The following SYNE1 variants were observed in gnomAD, a reference collection of about 807,000 sequenced individuals.
SYNE1 encodes nesprin-1.
SYNE1 carries 616 observed loss-of-function variants against 1,111.0 expected under a neutral mutation model. That is an observed-to-expected ratio of 0.55 (90% CI 0.52 to 0.59). The LOEUF is 0.59. Ranked by LOEUF, SYNE1 falls within the 20% of genes least tolerant of loss-of-function variation. The pLI is 0.00. For missense variants in SYNE1, 10,006 were observed against 10,417.0 expected, an observed-to-expected ratio of 0.96 and a Z score of 1.72; for synonymous variants, 3,855 against 3,825.8, an observed-to-expected ratio of 1.01 and a Z score of -0.28.
At chr6:152,509,549 G>A (rs1046527726) in intron 8 of SYNE1, among the ~76,000 whole-genome samples, 12 of 152,046 alleles carry the variant, frequency 7.9e-5, no homozygotes, top group Admixed American at 2.6e-4. Flanking sequence ...GAGTCACTGC[G>A]TCTGGCTGAG....
chr6:152,512,569 T>A (rs896877802), intron 6 of SYNE1, among the ~76,000 whole-genome samples: 1 of 152,192 alleles, frequency 6.6e-6, no homozygotes, highest in African/African-American at 2.4e-5. Flanking sequence ...TTCCTTTTCC[T>A]TGTGCATCAT....
In SYNE1 at chr6:152,224,534, C is replaced by A; in HGVS notation, c.21482G>T (p.Gly7161Val). 1.9e-6 allele frequency: 3 copies of A among 1,613,986 alleles called. No individual in the cohort carries two copies. Among genetic ancestry groups the A allele is most frequent in the Non-Finnish European group, 2.5e-6 (3 of 1,179,944 alleles). The part of the protein sequence containing the change: ...YSLSRFRLLT[G>V]SLEAVQVQVD... Reference sequence around the variant, plus strand: ...CTGAACTTGCACAGCTTCTAAGGAGCCAGTCAGCAGACGGAATCGGGAAAG... The same window carrying A: ...CTGAACTTGCACAGCTTCTAAGGAGACAGTCAGCAGACGGAATCGGGAAAG... Residue 7161 changes from glycine (G) to valine (V), a missense_variant, in exon 117 of 146, where the codon GGC becomes GTC. Transcript: ENST00000367255.
At chr6:152,450,235 A>G (rs1373648046) in intron 27 of SYNE1, among the ~76,000 whole-genome samples, 1 of 152,102 alleles carries the variant, frequency 6.6e-6, no homozygotes, top group Non-Finnish European at 1.5e-5. Flanking sequence ...GAAGAAGGAC[A>G]TGTTTGCTTC....
intron 104 of SYNE1, among the ~76,000 whole-genome samples, chr6:152,253,257 G>A (rs2089834847): frequency 6.6e-6 from 1 of 152,162 alleles, no homozygotes; most frequent in Non-Finnish European, 1.5e-5. Context: ...CCTGGCTCTA[G>A]TTCTTAATGG....
intron 66 of SYNE1, among the ~76,000 whole-genome samples, chr6:152,355,830 T>C (rs2096827453): frequency 6.6e-6 from 1 of 152,198 alleles, no homozygotes; most frequent in Admixed American, 6.5e-5. Context: ...TTCTCAATAC[T>C]ATATTTTAAA....
At chr6:152,508,144 A>T (rs1243917845) in intron 8 of SYNE1, among the ~76,000 whole-genome samples, 4 of 152,214 alleles carry the variant, frequency 2.6e-5, no homozygotes. Flanking sequence ...AAAAGTACAT[A>T]CTGGGATAGT....
intron 95 of SYNE1, among the ~76,000 whole-genome samples, chr6:152,286,137 C>A (rs548099557): frequency 6.7e-4 from 102 of 152,248 alleles, no homozygotes; most frequent in South Asian, 2.3e-3. Context: ...ATCATCATGA[C>A]AATTAATTTT....
chr6:152,358,111 G>A (rs2096869397), intron 66 of SYNE1, among the ~76,000 whole-genome samples: 1 of 152,176 alleles, frequency 6.6e-6, no homozygotes, highest in Non-Finnish European at 1.5e-5. Flanking sequence ...TAGATCTCCA[G>A]CCATTTGTCA....
At chr6:152,308,877 T>C (rs1173548657) in intron 90 of SYNE1, among the ~76,000 whole-genome samples, 1 of 152,238 alleles carries the variant, frequency 6.6e-6, no homozygotes, top group East Asian at 1.9e-4. Flanking sequence ...TCTTTCTCTC[T>C]CTTTTCCCTA....
At chr6:152,318,767 G>T in intron 85 of SYNE1, 96 bp downstream of exon 85, 2 of 1,472,134 alleles carry the variant, frequency 1.4e-6, no homozygotes, top group South Asian at 2.5e-5. Flanking sequence ...TTTAAAAAAG[G>T]TTCCTAAAAG....
intron 40 of SYNE1, among the ~76,000 whole-genome samples, chr6:152,418,621 A>T (rs1475163593): frequency 6.6e-6 from 1 of 152,222 alleles, no homozygotes; most frequent in East Asian, 1.9e-4. Context: ...ACCCTAAAAT[A>T]TGTCACTTTG....
At chr6:152,262,238 T>C (rs1562594775) in intron 100 of SYNE1, 50 bp from the exon 101 acceptor site, 1 of 1,545,270 alleles carries the variant, frequency 6.5e-7, no homozygotes, top group Non-Finnish European at 8.9e-7. Context: ...AAAAAAGTGA[T>C]AAGACAGGTA....
intron 16 of SYNE1, among the ~76,000 whole-genome samples, chr6:152,470,133 G>A (rs773501772): frequency 3.3e-5 from 5 of 152,166 alleles, no homozygotes; most frequent in Non-Finnish European, 7.3e-5. Context: ...TTTGGAATTA[G>A]TAGCTGAGTG....
intron 55 of SYNE1, 56 bp downstream of exon 55, chr6:152,385,618 A>C (rs1224766188): frequency 5.6e-6 from 9 of 1,593,488 alleles, no homozygotes; most frequent in Non-Finnish European, 6.9e-6. Flanking sequence ...ATCTTTATCA[A>C]AAGTACTCAA....
chr6:152,461,662 T>A lies in SYNE1; in HGVS notation c.2329A>T (p.Ser777Cys). Reference protein sequence around the residue: ...TKTAHLITKESPQEEGKEMFA... With the variant: ...TKTAHLITKECPQEEGKEMFA... ...ATTTCTTTTCCTTCTTCTTGGGGGC[T>A]TTCTTTGGTAATGAGGTGTGCTGTC... Residue 777 changes from serine (S) to cysteine (C), a missense_variant, in exon 21 of 146, where the codon AGC (serine) becomes TGC (cysteine). By Grantham distance (112) the Ser-to-Cys change is moderately radical. Around this residue, in one of 7 missense-constraint regions of SYNE1, gnomAD observed 1,971 missense variants for 2,084.1 expected, o/e 0.95. Coordinates refer to ENST00000367255, the MANE Select transcript of SYNE1 (RefSeq NM_182961.4). 6.2e-7 allele frequency: 1 copy of A among 1,614,050 alleles called. No homozygotes were observed. Among genetic ancestry groups the A allele is most frequent in the Non-Finnish European group, 8.5e-7 (1 of 1,179,956 alleles).
intron 3 of SYNE1, among the ~76,000 whole-genome samples, chr6:152,597,999 C>T (rs1463977640): frequency 1.3e-5 from 2 of 152,096 alleles, no homozygotes; most frequent in Non-Finnish European, 2.9e-5. Context: ...AACGAAGGCA[C>T]CATCCCTTAT....
At chr6:152,306,472 C>G (rs558427622) in intron 91 of SYNE1, among the ~76,000 whole-genome samples, 1 of 145,438 alleles carries the variant, frequency 6.9e-6, no homozygotes, top group African/African-American at 2.6e-5. Context: ...GGCAACAGAG[C>G]GAGACTCCAT....
At chr6:152,563,039 T>A (rs920650395) in intron 3 of SYNE1, among the ~76,000 whole-genome samples, 2 of 142,782 alleles carry the variant, frequency 1.4e-5, no homozygotes, top group Non-Finnish European at 3.1e-5. Flanking sequence ...CAAATTATAA[T>A]AGAGGAAAAA....
At chr6:152,321,217 C>T in intron 84 of SYNE1, 21 bp downstream of exon 84, 2 of 1,612,906 alleles carry the variant, frequency 1.2e-6, no homozygotes, top group Non-Finnish European at 1.7e-6. Flanking sequence ...GAAAGACACT[C>T]TTTCTTGATC....
Sources: gnomAD v4.1 joint callset for allele counts (sites outside exome capture counted in the v4.1 genomes callset) on GRCh38, gnomAD v4.1.1 for gene constraint, gnomAD v4.1.1 regional missense constraint, MANE v1.5 for transcripts, NCBI Gene and HGNC (gene_info 2026-07-23, HGNC 2026-07-21) for gene names.